Variants in FRS2 observed in about 807,000 individuals in gnomAD.
FRS2 encodes the protein fibroblast growth factor receptor substrate 2.
FRS2 carries 8 observed loss-of-function variants against 43.9 expected under a neutral mutation model. The observed-to-expected ratio is 0.18, with a 90% confidence interval of 0.11 to 0.33. FRS2 has a LOEUF of 0.33. Ranked by LOEUF, FRS2 falls within the 10% of genes least tolerant of loss-of-function variation. FRS2 has a pLI of 1.00. For synonymous variants in FRS2, 219 were observed against 220.3 expected (o/e 0.99, Z 0.05); for missense variants, 534 against 627.6 (o/e 0.85, Z 1.59).
Position 69,577,487 on chromosome 12 carries a change from A to G in FRS2, c.*2532A>G, listed in dbSNP as rs542403. 14,213 of 152,546 alleles carry G rather than the reference A, an allele frequency of 0.093. 878 individuals carry two copies. Among genetic ancestry groups the G allele is most frequent in the Non-Finnish European group, 0.14 (9,752 of 67,960 alleles). The allele number at this position is 152,546 out of a possible 1,614,324, so 9.4% of individuals were successfully genotyped here. A position where few individuals can be genotyped will look rare whatever the true frequency, so the allele number is the denominator to read the frequency against. On this transcript the variant is annotated 3_prime_UTR_variant, in exon 9 of 9. Coordinates refer to ENST00000549921, the MANE Select transcript of FRS2 (RefSeq NM_001278356.2). ...TTTATTAGCATATAATTGTGGCCAT[A>G]TATCTCAGATTTTCTGAGGCAGATC...
rs71094722 is a variant in FRS2 at position 69,547,830 on chromosome 12, C to CTTTTTT, written c.-121-14329_-121-14324dup. Among the ~76,000 whole-genome samples the CTTTTTT allele has an allele frequency of 1.2e-3, 121 of 102,748 alleles. 12 individuals carry two copies. Among genetic ancestry groups the CTTTTTT allele is most frequent in the African/African-American group, 4.1e-3 (114 of 27,834 alleles). 67.4% of individuals were successfully genotyped at this position (102,748 alleles called of 152,430 possible). A position where few individuals can be genotyped will look rare whatever the true frequency, so the allele number is the denominator to read the frequency against. On this transcript the variant is annotated intron_variant, in intron 3 of 8. Coordinates refer to ENST00000549921, the MANE Select transcript of FRS2 (RefSeq NM_001278356.2). The stretch of plus-strand genomic sequence containing the variant: ...TTTTAGAAAAATGTATCCATTAATA[C>CTTTTTT]TTTTTTTTTTTTTTTTTTTTTTTTT...
At chr12:69,571,997 C>T in intron 7 of FRS2, 121 bp from the exon 8 acceptor site, 1 of 627,092 alleles carries the variant, frequency 1.6e-6, no homozygotes, top group South Asian at 2.3e-5. Flanking sequence ...TATTTGTGCT[C>T]TGATTTCTGC....
At chr12:69,538,765 T>A (rs1877585640) in intron 3 of FRS2, among the ~76,000 whole-genome samples, 1 of 152,216 alleles carries the variant, frequency 6.6e-6, no homozygotes, top group African/African-American at 2.4e-5. Context: ...GGTTCCCTTA[T>A]ATTATTCAGA....
At chr12:69,534,002 A>G (rs1420561043) in intron 3 of FRS2, among the ~76,000 whole-genome samples, 1 of 152,180 alleles carries the variant, frequency 6.6e-6, no homozygotes, top group African/African-American at 2.4e-5. Flanking sequence ...CCTAGCTTAC[A>G]TTTAAGCCTG....
chr12:69,537,809 C>G (rs1009272215), intron 3 of FRS2: 16 of 152,444 alleles, frequency 1.0e-4, no homozygotes, highest in Admixed American at 5.9e-4. Context: ...CCTTCTATAA[C>G]TCTAATTAGA....
chr12:69,574,628 G>C lies in FRS2; in HGVS notation c.1200G>C (p.Val400=). 1 of 1,614,118 alleles carries C rather than the reference G, an allele frequency of 6.2e-7. No individual in the cohort carries two copies. The highest frequency in any genetic ancestry group is 8.5e-7 in the Non-Finnish European group (1 of 1,180,016). The change falls in exon 9 of 9, where the codon GTG becomes GTC. Residue 400 remains valine, a synonymous_variant. Coordinates refer to ENST00000549921, the MANE Select transcript of FRS2 (RefSeq NM_001278356.2). ...HNYVNTENVT[V]PASAHKIEYS... is the part of the protein sequence containing the mutation. ...ATGTAAATACAGAGAATGTAACAGT[G>C]CCAGCAAGTGCTCACAAAATAGAAT...
chr12:69,533,731 G>T (rs887096531), intron 3 of FRS2, among the ~76,000 whole-genome samples: 1 of 152,090 alleles, frequency 6.6e-6, no homozygotes, highest in Admixed American at 6.5e-5. Context: ...TTTCATCGGG[G>T]TGATGAAATG....
At chr12:69,542,178 A>G (rs1025742323) in intron 3 of FRS2, among the ~76,000 whole-genome samples, 1 of 152,194 alleles carries the variant, frequency 6.6e-6, no homozygotes, top group South Asian at 2.1e-4. Context: ...TATAACAAAC[A>G]TATTAATTTG....
chr12:69,511,530 A>G (rs1874453724), intron 1 of FRS2, among the ~76,000 whole-genome samples: 1 of 152,190 alleles, frequency 6.6e-6, no homozygotes, highest in Non-Finnish European at 1.5e-5. Context: ...TATTCATTAT[A>G]TTTCCCACAG....
At chr12:69,540,936 A>G (rs1417614704) in intron 3 of FRS2, among the ~76,000 whole-genome samples, 1 of 152,212 alleles carries the variant, frequency 6.6e-6, no homozygotes, top group Non-Finnish European at 1.5e-5. Context: ...AAGAGAGGAG[A>G]GGCATTCTAC....
intron 3 of FRS2, among the ~76,000 whole-genome samples, chr12:69,557,219 T>G (rs1394976014): frequency 6.6e-6 from 1 of 152,262 alleles, no homozygotes; most frequent in Non-Finnish European, 1.5e-5. Context: ...TAAGTGACCC[T>G]TTATTAATTT....
intron 1 of FRS2, among the ~76,000 whole-genome samples, chr12:69,473,932 T>A (rs1370675694): frequency 6.6e-6 from 1 of 152,182 alleles, no homozygotes; most frequent in African/African-American, 2.4e-5. Flanking sequence ...AACCTCCGCC[T>A]CCTGGGTTCA....
chr12:69,568,510 TCTGCCTGCCTGC>T (rs201681343), intron 4 of FRS2, among the ~76,000 whole-genome samples: 140 of 150,888 alleles, frequency 9.3e-4, no homozygotes, highest in South Asian at 2.3e-3. Context: ...CAACATAATG[TCTGCCTGCCTGC>T]CTGCCTGCCT....
intron 1 of FRS2, among the ~76,000 whole-genome samples, chr12:69,490,402 C>A (rs996396824): frequency 6.7e-6 from 1 of 148,940 alleles, no homozygotes; most frequent in Admixed American, 6.7e-5. Flanking sequence ...AGAAAAATTC[C>A]ATTAGAAAAA....
chr12:69,527,338 TA>T (rs1037433159), intron 1 of FRS2, among the ~76,000 whole-genome samples: 2 of 109,906 alleles, frequency 1.8e-5, no homozygotes, highest in East Asian at 3.3e-4. Context: ...TTTTTTTTTT[TA>T]ATGATTTTTT....
intron 1 of FRS2, among the ~76,000 whole-genome samples, chr12:69,493,044 A>C (rs564531693): frequency 1.3e-5 from 2 of 152,254 alleles, no homozygotes; most frequent in Non-Finnish European, 2.9e-5. Context: ...AGACATATTA[A>C]GATACCAAGC....
At chr12:69,498,753 A>G (rs1873156584) in intron 1 of FRS2, among the ~76,000 whole-genome samples, 1 of 152,090 alleles carries the variant, frequency 6.6e-6, no homozygotes. Flanking sequence ...GAGGATTGGC[A>G]GAGGTTATTC....
At chr12:69,560,416 T>C (rs1879787219) in intron 3 of FRS2, among the ~76,000 whole-genome samples, 1 of 152,170 alleles carries the variant, frequency 6.6e-6, no homozygotes, top group Non-Finnish European at 1.5e-5. Context: ...TAACAAAGTA[T>C]TGTTGTTTTC....
At chr12:69,559,864 A>C (rs1879738317) in intron 3 of FRS2, among the ~76,000 whole-genome samples, 3 of 151,950 alleles carry the variant, frequency 2.0e-5, no homozygotes, top group Admixed American at 6.5e-5. Context: ...TAATATAATA[A>C]AACATGGCAG....
Sources: gnomAD v4.1 joint callset for allele counts (sites outside exome capture counted in the v4.1 genomes callset) on GRCh38, gnomAD v4.1.1 for gene constraint, MANE v1.5 for transcripts, NCBI Gene and HGNC (gene_info 2026-07-23, HGNC 2026-07-21) for gene names.